The following CYP3A5 variants were observed in gnomAD, a reference collection of about 807,000 sequenced individuals.
CYP3A5 encodes cytochrome P450 family 3 subfamily A member 5.
Under a neutral mutation model 55.9 loss-of-function variants are expected in CYP3A5, and 51 were observed. The ratio of observed to expected loss-of-function variants is 0.91; its 90% confidence interval spans 0.73 to 1.15. The LOEUF (loss-of-function observed/expected upper bound fraction) is 1.15. Among genes scored for constraint, CYP3A5 ranks in the 50% most tolerant of loss-of-function variants. The probability of loss-of-function intolerance (pLI) is 0.00; values close to 1 mark genes in which losing one functional copy is unlikely to be tolerated. For synonymous variants in CYP3A5, 196 were observed against 213.9 expected (o/e 0.92, Z 0.73); for missense variants, 533 against 596.6 (o/e 0.89, Z 1.11).
intron 1 of CYP3A5, chr7:99,677,211 C>A: frequency 7.1e-6 from 7 of 985,388 alleles, no homozygotes; most frequent in Non-Finnish European, 8.4e-6. Context: ...CAGACCTTCC[C>A]CCTCCGGTGT....
Position 99,667,003 on chromosome 7 carries a change from C to T in CYP3A5, c.381G>A (p.Lys127=). The T allele has an allele frequency of 6.2e-7, 1 of 1,614,162 alleles. No individual in the cohort carries two copies. Among genetic ancestry groups the T allele is most frequent in the Non-Finnish European group, 8.5e-7 (1 of 1,180,004 alleles). The change falls in exon 5 of 13, where the codon AAG becomes AAA. Residue 127 remains lysine, a synonymous_variant. Transcript: ENST00000222982. ...AISLAEDEEW[K]RIRSLLSPTF... is the part of the protein sequence containing the mutation. Reference sequence around the variant, plus strand: ...TTGGAGACAGCAATGACCGTATTCTCTTCCATTCTTCATCCTCAGCTAAAG... The same window carrying T: ...TTGGAGACAGCAATGACCGTATTCTTTTCCATTCTTCATCCTCAGCTAAAG...
At chr7:99,664,176 G>T in intron 7 of CYP3A5, 81 bp from the exon 8 acceptor site, 2 of 1,145,314 alleles carry the variant, frequency 1.7e-6, no homozygotes, top group Non-Finnish European at 2.5e-6. Flanking sequence ...TTCTCTACCA[G>T]TAATAAGAAT....
Sources: allele counts gnomAD v4.1 joint callset, GRCh38; gene constraint gnomAD v4.1.1; transcripts MANE v1.5; gene names NCBI Gene and HGNC (gene_info 2026-07-23, HGNC 2026-07-21).